The following CACNA1A variants were observed in gnomAD, a reference collection of about 807,000 sequenced individuals.
The protein encoded by CACNA1A is voltage-dependent P/Q-type calcium channel subunit alpha-1A.
CACNA1A carries 57 observed loss-of-function variants against 262.4 expected under a neutral mutation model. The observed-to-expected ratio is 0.22, with a 90% confidence interval of 0.18 to 0.27. The LOEUF (loss-of-function observed/expected upper bound fraction) is 0.27, where lower values mean the gene tolerates loss of function less well. Ranked by LOEUF, CACNA1A falls within the 10% of genes least tolerant of loss-of-function variation. The pLI is 1.00. For missense variants in CACNA1A, 2,526 were observed against 3,562.8 expected, an observed-to-expected ratio of 0.71 and a Z score of 7.41; for synonymous variants, 1,431 against 1,419.3, an observed-to-expected ratio of 1.01 and a Z score of -0.18.
chr19:13,235,199 C>T lies in CACNA1A; in HGVS notation c.5133+10G>A, dbSNP rs369033909. The T allele has an allele frequency of 3.1e-4, 492 of 1,606,702 alleles. 2 individuals carry two copies. The highest frequency in any genetic ancestry group is 2.3e-3 in the Admixed American group (133 of 58,196). The stretch of plus-strand genomic sequence containing the variant: ...GGAGGCTCTGGGAACCTTAGGGACA[C>T]GACACTCACCTGCATCCCAATGATG... On this transcript the variant is annotated intron_variant, in intron 33 of 46. Coordinates refer to ENST00000360228, the MANE Select transcript of CACNA1A (RefSeq NM_001127222.2).
intron 36 of CACNA1A, among the ~76,000 whole-genome samples, chr19:13,228,236 G>A (rs10404888): frequency 0.02 from 3,023 of 151,706 alleles, 97 homozygotes; most frequent in African/African-American, 0.069. Flanking sequence ...GTTGGGTCAC[G>A]TTCTCTGGTT....
intron 32 of CACNA1A, 38 bp from the exon 33 acceptor site, chr19:13,235,312 G>T: frequency 6.5e-7 from 1 of 1,538,252 alleles, no homozygotes; most frequent in Non-Finnish European, 8.8e-7. Flanking sequence ...AGTGCTGGGG[G>T]TCCCTCAGCC....
intron 6 of CACNA1A, among the ~76,000 whole-genome samples, chr19:13,336,923 C>A (rs1222814105): frequency 6.6e-6 from 1 of 152,246 alleles, no homozygotes; most frequent in Non-Finnish European, 1.5e-5. Context: ...GCTGTCAGGG[C>A]AGGGGTAGCC....
At position 13,207,214 on chromosome 19, in the gene CACNA1A, G is replaced by GC. The variant is rs1258434080; in HGVS notation, c.*98dup. On this transcript the variant is annotated 3_prime_UTR_variant, in exon 47 of 47. Transcript: ENST00000360228. The surrounding 1 kb of genome is among the most constrained non-coding windows in gnomAD (Gnocchi z 5.7). ...GGTCTCCCGGCTGGCCCTCTCCCGG[G>GC]CCCTCTGTGCTGGGCCCCCGCGGCC... 150 of 1,284,492 alleles carry GC rather than the reference G, an allele frequency of 1.2e-4. 1 individual carries two copies. The Admixed American group carries it at 4.9e-3, about 42-fold the overall frequency. The allele number at this position is 1,284,492 out of a possible 1,614,324, so 79.6% of individuals were successfully genotyped here. A position where few individuals can be genotyped will look rare whatever the true frequency, so the allele number is the denominator to read the frequency against.
At position 13,298,569 on chromosome 19, in the gene CACNA1A, T is replaced by C. The variant is rs2057718511; in HGVS notation, c.3064A>G (p.Lys1022Glu). The C allele has an allele frequency of 3.2e-6, 5 of 1,543,528 alleles. No homozygotes were observed. The highest frequency in any genetic ancestry group is 3.5e-6 in the Non-Finnish European group (4 of 1,143,102). ...TYEGDARRED[K>E]ERRHRRRKEN... ...TTCCTCCTCCGATGCCTCCGCTCCT[T>C]GTCCTCCCTCCGCGCGTCCCCCTCG... The change falls in exon 19 of 47, where the codon AAG becomes GAG. Residue 1022 changes from lysine to glutamate, a missense_variant. Around this residue, in one of 17 missense-constraint regions of CACNA1A, gnomAD observed 765 missense variants for 748.6 expected, o/e 1.02. Coordinates refer to ENST00000360228, the MANE Select transcript of CACNA1A (RefSeq NM_001127222.2).
At chr19:13,379,174 C>T (rs1014492957) in intron 3 of CACNA1A, among the ~76,000 whole-genome samples, 6 of 151,836 alleles carry the variant, frequency 4.0e-5, no homozygotes, top group Non-Finnish European at 7.4e-5. Flanking sequence ...TTTGTAGAAA[C>T]GGGGTCTCAC....
At chr19:13,277,376 A>C (rs1292033213) in intron 22 of CACNA1A, 1 of 391,198 alleles carries the variant, frequency 2.6e-6, no homozygotes, top group Non-Finnish European at 4.7e-6. Flanking sequence ...AAATCACTGT[A>C]CTAGGCCAGT....
At chr19:13,281,678 G>A (rs1186718524) in intron 22 of CACNA1A, among the ~76,000 whole-genome samples, 1 of 152,170 alleles carries the variant, frequency 6.6e-6, no homozygotes, top group African/African-American at 2.4e-5. Context: ...AAGGCGGTGG[G>A]GGTGGGGGAT....
At chr19:13,327,927 C>T (rs1312669569) in intron 10 of CACNA1A, among the ~76,000 whole-genome samples, 1 of 152,022 alleles carries the variant, frequency 6.6e-6, no homozygotes. Context: ...GAGACAGGTT[C>T]TCACTCTGTT....
At chr19:13,427,271 G>A (rs2060418529) in intron 3 of CACNA1A, among the ~76,000 whole-genome samples, 1 of 151,974 alleles carries the variant, frequency 6.6e-6, no homozygotes, top group Admixed American at 6.6e-5. Context: ...GACCAACATG[G>A]AGAAACCCCG....
chr19:13,429,167 TACACACACACACACACAC>T (rs56218610), intron 3 of CACNA1A, among the ~76,000 whole-genome samples: 3 of 141,248 alleles, frequency 2.1e-5, no homozygotes, highest in South Asian at 2.4e-4. Context: ...TCACTGTGCG[TACACACACACACACACAC>T]ACACACACAC....
At chr19:13,227,380 AG>A (rs2055496501) in intron 37 of CACNA1A, 50 bp downstream of exon 37, 38 of 736,826 alleles carry the variant, frequency 5.2e-5, no homozygotes, top group Middle Eastern at 5.4e-4. Context: ...AAGAAGAAGA[AG>A]AAAAAAAAAC....
chr19:13,463,638 C>T (rs1568670620), intron 1 of CACNA1A, among the ~76,000 whole-genome samples: 1 of 152,214 alleles, frequency 6.6e-6, no homozygotes, highest in Admixed American at 6.5e-5. Flanking sequence ...CTACATTTCA[C>T]ATACAGGGTA....
At chr19:13,332,222 G>A (rs1346512731) in intron 9 of CACNA1A, among the ~76,000 whole-genome samples, 4 of 152,044 alleles carry the variant, frequency 2.6e-5, no homozygotes, top group Non-Finnish European at 5.9e-5. Context: ...CCAACATGGC[G>A]AAACCCCATC....
At position 13,334,427 on chromosome 19, in the gene CACNA1A, T is replaced by C; in HGVS notation, c.1149A>G (p.Gln383=). Reference sequence around the variant, plus strand: ...ACCCATTGAGCTCACGTTCAATCTGTTGTTGCCGCCTCAGCTTCAGAAAAG... The same window carrying C: ...ACCCATTGAGCTCACGTTCAATCTGCTGTTGCCGCCTCAGCTTCAGAAAAG... ...RRAFLKLRRQ[Q]QIERELNGYM... Residue 383 remains glutamine, a synonymous_variant, in exon 8 of 47, where the codon CAA becomes CAG. Transcript: ENST00000360228. 6.2e-7 allele frequency: 1 copy of C among 1,612,994 alleles called. No homozygotes were observed. Among genetic ancestry groups the C allele is most frequent in the Non-Finnish European group, 8.5e-7 (1 of 1,178,978 alleles).
intron 18 of CACNA1A, among the ~76,000 whole-genome samples, chr19:13,300,348 C>T (rs2057762552): frequency 6.6e-6 from 1 of 151,992 alleles, no homozygotes; most frequent in Non-Finnish European, 1.5e-5. Context: ...AATGCTGTAT[C>T]CCCAGAAGTT....
rs2144959192 is a variant in CACNA1A at position 13,299,471 on chromosome 19, C to CCA, written c.2280-120_2280-119dup. 6 of 818,370 alleles carry CCA rather than the reference C, an allele frequency of 7.3e-6. No individual in the cohort carries two copies. The South Asian group carries it at 9.2e-5, about 13-fold the overall frequency. 50.7% of individuals were successfully genotyped at this position (818,370 alleles called of 1,614,324 possible). A position where few individuals can be genotyped will look rare whatever the true frequency, so the allele number is the denominator to read the frequency against. On this transcript the variant is annotated intron_variant, in intron 18 of 46. Transcript: ENST00000360228. ...ACTCCTGCTCTCCACCCTCTACTCC[C>CCA]CACTGAATGCTAGGAGTCTGTGAGC...
intron 38 of CACNA1A, among the ~76,000 whole-genome samples, chr19:13,217,305 A>G (rs1283841706): frequency 6.6e-6 from 1 of 152,136 alleles, no homozygotes; most frequent in Non-Finnish European, 1.5e-5. Context: ...TCCAGCAATG[A>G]ATGGTGACAC....
At position 13,207,673 on chromosome 19, in the gene CACNA1A, C is replaced by G. The variant is rs2054616650; in HGVS notation, c.7161G>C (p.Gly2387=). 2 of 1,430,562 alleles carry G rather than the reference C, an allele frequency of 1.4e-6. No individual in the cohort carries two copies. Among genetic ancestry groups the G allele is most frequent in the Non-Finnish European group, 1.8e-6 (2 of 1,091,466 alleles). The allele number at this position is 1,430,562 out of a possible 1,614,324, so 88.6% of individuals were successfully genotyped here. Residue 2387 remains glycine, a synonymous_variant, in exon 47 of 47, where the codon GGG becomes GGC. Transcript: ENST00000360228. The surrounding 1 kb of genome is among the most constrained non-coding windows in gnomAD (Gnocchi z 5.7). The stretch of plus-strand genomic sequence containing the variant: ...GCGGGCCAGATGCCGGCCACCGGGC[C>G]CCGCCGTGTCGACAGGCCCTGGGGG... ...SESPRACRHG[G]ARWPASGPHV...
Sources: allele counts gnomAD v4.1 joint callset (sites outside exome capture counted in the v4.1 genomes callset), GRCh38; gene constraint gnomAD v4.1.1; regional missense constraint gnomAD v4.1.1; non-coding constraint Gnocchi (gnomAD v3.1); transcripts MANE v1.5; gene names NCBI Gene and HGNC (gene_info 2026-07-23, HGNC 2026-07-21).